Variants in TGFBRAP1 observed in about 807,000 individuals in gnomAD.
TGFBRAP1 encodes the protein transforming growth factor-beta receptor-associated protein 1.
Under a neutral mutation model 83.2 loss-of-function variants are expected in TGFBRAP1, and 20 were observed. The ratio of observed to expected loss-of-function variants is 0.24; its 90% CI spans 0.17 to 0.35. The LOEUF (loss-of-function observed/expected upper bound fraction) is 0.35, where lower values mean the gene tolerates loss of function less well. Among genes scored for constraint, TGFBRAP1 ranks in the 10% least tolerant of loss-of-function variants. TGFBRAP1 has a pLI of 1.00. For missense variants in TGFBRAP1, 950 were observed against 1,099.4 expected (o/e 0.86, Z 1.92); for synonymous variants, 415 against 459.8 (o/e 0.90, Z 1.25).
intron 1 of TGFBRAP1, among the ~76,000 whole-genome samples, chr2:105,324,463 T>C (rs935134294): frequency 3.9e-5 from 6 of 152,258 alleles, no homozygotes; most frequent in African/African-American, 1.4e-4. Context: ...CATGAACCAA[T>C]ACCCATCAGT....
intron 4 of TGFBRAP1, among the ~76,000 whole-genome samples, chr2:105,286,840 T>G (rs1573179902): frequency 6.6e-6 from 1 of 152,246 alleles, no homozygotes; most frequent in Non-Finnish European, 1.5e-5. Flanking sequence ...GATTCTAATC[T>G]AAAGACTTCT....
intron 2 of TGFBRAP1, among the ~76,000 whole-genome samples, chr2:105,302,026 A>T (rs1302118319): frequency 2.6e-5 from 4 of 151,864 alleles, no homozygotes; most frequent in Admixed American, 2.6e-4. Flanking sequence ...AAAAAAAAAA[A>T]AAAGGCCTAG....
At chr2:105,317,190 G>C (rs756071102) in intron 1 of TGFBRAP1, among the ~76,000 whole-genome samples, 2 of 152,070 alleles carry the variant, frequency 1.3e-5, no homozygotes, top group Non-Finnish European at 2.9e-5. Flanking sequence ...TGTAATCCCA[G>C]CACTCTGGGA....
rs1426454782 is a variant in TGFBRAP1, at chr2:105,265,183, A to C, written c.*2200T>G. The C allele has an allele frequency of 6.6e-6, 1 of 152,178 alleles. No homozygotes were observed. Among genetic ancestry groups the C allele is most frequent in the Non-Finnish European group, 1.5e-5 (1 of 68,028 alleles). The allele number at this position is 152,178 out of a possible 1,614,324, so 9.4% of individuals were successfully genotyped here. A position where few individuals can be genotyped will look rare whatever the true frequency, so the allele number is the denominator to read the frequency against. ...GTTCAGTGAAAAAATAAAAATGACT[A>C]GTGTTGGCTGGGCGCAGTGGCTCAC... On this transcript the variant is annotated 3_prime_UTR_variant, in exon 12 of 12. Transcript: ENST00000393359.
chr2:105,255,742 A>T, the TGFBRAP1 span, among the ~76,000 whole-genome samples: 1 of 152,116 alleles, frequency 6.6e-6, no homozygotes, highest in Non-Finnish European at 1.5e-5. Context: ...GGTACCAAAC[A>T]ATTAGGGAAG....
At chr2:105,324,279 C>G (rs1222072185) in intron 1 of TGFBRAP1, 1 of 152,186 alleles carries the variant, frequency 6.6e-6, no homozygotes, top group Admixed American at 6.5e-5. Flanking sequence ...TATTTTGCAA[C>G]TCTTAGGTAA....
rs556565430 is a variant in TGFBRAP1 at position 105,304,647 on chromosome 2, G to T, written c.688+2967C>A. 1.8e-4 allele frequency among the ~76,000 whole-genome samples: 28 copies of T among 152,324 alleles called. No homozygotes were observed. The East Asian group carries it at 5.2e-3, about 28-fold the overall frequency. ...AGAACACAAAAATTAGCTGAGCATG[G>T]TGGCACATGCCTATAGTCCCAGCTA... On this transcript the variant is annotated intron_variant, in intron 2 of 11. Coordinates refer to ENST00000393359, the MANE Select transcript of TGFBRAP1 (RefSeq NM_004257.6).
chr2:105,295,243 G>A (rs1250830813), intron 4 of TGFBRAP1, among the ~76,000 whole-genome samples: 1 of 152,092 alleles, frequency 6.6e-6, no homozygotes, highest in East Asian at 1.9e-4. Flanking sequence ...ACCCTTTTCT[G>A]CATAAAGCAC....
intron 1 of TGFBRAP1, among the ~76,000 whole-genome samples, chr2:105,315,866 C>G (rs1678838585): frequency 6.6e-6 from 1 of 152,110 alleles, no homozygotes; most frequent in Admixed American, 6.6e-5. Flanking sequence ...GGGTATATAT[C>G]TATATCCACA....
chr2:105,251,487 G>T, the TGFBRAP1 span, among the ~76,000 whole-genome samples: 1 of 150,854 alleles, frequency 6.6e-6, no homozygotes, highest in African/African-American at 2.4e-5. Flanking sequence ...GAGCGTCTCC[G>T]CCCGGCAGCC....
At chr2:105,253,287 G>GA in the TGFBRAP1 span, among the ~76,000 whole-genome samples, 1 of 151,978 alleles carries the variant, frequency 6.6e-6, no homozygotes, top group Non-Finnish European at 1.5e-5. Flanking sequence ...CATGTGCCAT[G>GA]ACACCTGGCT....
chr2:105,299,062 C>T (rs143620532), intron 2 of TGFBRAP1, among the ~76,000 whole-genome samples: 1 of 152,234 alleles, frequency 6.6e-6, no homozygotes, highest in African/African-American at 2.4e-5. Context: ...GCAGATGGTG[C>T]TTGAGCTCAG....
intron 2 of TGFBRAP1, among the ~76,000 whole-genome samples, chr2:105,302,648 T>G (rs923474767): frequency 4.6e-5 from 7 of 152,076 alleles, no homozygotes; most frequent in Non-Finnish European, 8.8e-5. Flanking sequence ...ACCCTAAAAA[T>G]AAAGGTTACC....
At chr2:105,275,276 T>G (rs1236268324) in intron 8 of TGFBRAP1, among the ~76,000 whole-genome samples, 1 of 152,204 alleles carries the variant, frequency 6.6e-6, no homozygotes, top group Non-Finnish European at 1.5e-5. Flanking sequence ...CTTAAGAAGA[T>G]GCTAAAAATG....
At chr2:105,283,607 CAA>C (rs1053677557) in intron 5 of TGFBRAP1, among the ~76,000 whole-genome samples, 1 of 152,216 alleles carries the variant, frequency 6.6e-6, no homozygotes, top group African/African-American at 2.4e-5. Context: ...TAATCTTCTG[CAA>C]AGAGTGCTGA....
chr2:105,280,291 C>T, intron 6 of TGFBRAP1, 91 bp downstream of exon 6: 1 of 1,369,434 alleles, frequency 7.3e-7, no homozygotes, highest in Non-Finnish European at 9.9e-7. Context: ...ATCACACTGG[C>T]TAAGTCACTT....
the TGFBRAP1 span, among the ~76,000 whole-genome samples, chr2:105,251,000 G>A: frequency 0.017 from 2,654 of 152,274 alleles, 85 homozygotes; most frequent in African/African-American, 0.062. Context: ...ATCTCGGCTC[G>A]CTACAACATC....
At chr2:105,268,731 T>C (rs1423008527) in intron 11 of TGFBRAP1, among the ~76,000 whole-genome samples, 1 of 152,160 alleles carries the variant, frequency 6.6e-6, no homozygotes, top group Non-Finnish European at 1.5e-5. Flanking sequence ...CTGCCAGCCA[T>C]GTGGAATTTA....
the TGFBRAP1 span, among the ~76,000 whole-genome samples, chr2:105,255,179 T>G: frequency 6.6e-6 from 1 of 152,150 alleles, no homozygotes; most frequent in Non-Finnish European, 1.5e-5. Flanking sequence ...CAAAAAGATA[T>G]AGTAACCATA....
Sources: gnomAD v4.1 joint callset for allele counts (sites outside exome capture counted in the v4.1 genomes callset) on GRCh38, gnomAD v4.1.1 for gene constraint, MANE v1.5 for transcripts, NCBI Gene and HGNC (gene_info 2026-07-23, HGNC 2026-07-21) for gene names.